The following OR1J2 variants were observed in gnomAD, a reference collection of about 807,000 sequenced individuals.
OR1J2 encodes olfactory receptor 1J2.
For missense variants in OR1J2, 304 were observed against 246.1 expected (o/e 1.24, Z -1.57); for synonymous variants, 142 against 99.7 (o/e 1.42, Z -2.52).
chr9:122,509,502 G>A (rs149966933), upstream of OR1J2, among the ~76,000 whole-genome samples: 7 of 152,316 alleles, frequency 4.6e-5, no homozygotes, highest in East Asian at 1.9e-4. Context: ...ACAATAAAGC[G>A]TAAATAAATT....
the OR1J2 span, among the ~76,000 whole-genome samples, chr9:122,461,796 C>A: frequency 6.6e-6 from 1 of 152,032 alleles, no homozygotes; most frequent in African/African-American, 2.4e-5. Flanking sequence ...GTTATAATTT[C>A]AGTTTTCTTA....
At chr9:122,553,851 CT>C in the OR1J2 span, 1 of 1,614,062 alleles carries the variant, frequency 6.2e-7, no homozygotes, top group East Asian at 2.2e-5. Context: ...CACTGTTCCC[CT>C]CCTGCTGATC....
the OR1J2 span, among the ~76,000 whole-genome samples, chr9:122,496,817 C>T: frequency 6.6e-6 from 1 of 152,162 alleles, no homozygotes; most frequent in African/African-American, 2.4e-5. Flanking sequence ...GCATTTATCT[C>T]AGTGAGCAGA....
chr9:122,548,356 A>T, the OR1J2 span, among the ~76,000 whole-genome samples: 1 of 152,156 alleles, frequency 6.6e-6, no homozygotes, highest in Non-Finnish European at 1.5e-5. Flanking sequence ...TCTGTCCTTG[A>T]TAATAAAAAT....
chr9:122,558,311 C>CTT, the OR1J2 span, among the ~76,000 whole-genome samples: 92 of 34,470 alleles, frequency 2.7e-3, 20 homozygotes, highest in African/African-American at 9.1e-3. Flanking sequence ...TTGGATTTTG[C>CTT]TTTTTTTTTT....
the OR1J2 span, among the ~76,000 whole-genome samples, chr9:122,518,059 A>G: frequency 1.3e-5 from 2 of 152,090 alleles, no homozygotes; most frequent in Non-Finnish European, 2.9e-5. Flanking sequence ...CTTTTTATGT[A>G]TGTTCATTGC....
At chr9:122,528,047 A>G in the OR1J2 span, among the ~76,000 whole-genome samples, 3 of 152,238 alleles carry the variant, frequency 2.0e-5, no homozygotes, top group African/African-American at 7.2e-5. Flanking sequence ...ACCCACAGCA[A>G]TGGTTTCCAG....
the OR1J2 span, among the ~76,000 whole-genome samples, chr9:122,474,888 C>A: frequency 1.3e-5 from 2 of 152,176 alleles, no homozygotes; most frequent in African/African-American, 4.8e-5. Context: ...GCCTCTGGAG[C>A]CAGTGGACTC....
At chr9:122,546,817 C>A in the OR1J2 span, among the ~76,000 whole-genome samples, 1 of 152,160 alleles carries the variant, frequency 6.6e-6, no homozygotes, top group African/African-American at 2.4e-5. Flanking sequence ...TTATTTTAAA[C>A]CTATTTTTTA....
chr9:122,552,036 T>TAC, the OR1J2 span, among the ~76,000 whole-genome samples: 27,638 of 123,850 alleles, frequency 0.22, 2,778 homozygotes, highest in East Asian at 0.33. Flanking sequence ...GTAGGACACA[T>TAC]ACACACACAC....
Position 122,511,558 on chromosome 9 carries a change from G to C in OR1J2, c.757G>C (p.Gly253Arg), listed in dbSNP as rs1420004188. The C allele has an allele frequency of 1.3e-6, 1 of 780,958 alleles. No homozygotes were observed. Among genetic ancestry groups the C allele is most frequent in the Admixed American group, 1.7e-5 (1 of 59,026 alleles). 48.4% of individuals were successfully genotyped at this position (780,958 alleles called of 1,614,324 possible). A position where few individuals can be genotyped will look rare whatever the true frequency, so the allele number is the denominator to read the frequency against. ...TCTCTCTGTGGTGTCTCTCTATTAT[G>C]GGTCAATATTTGGCCAGTACCTTTT... The part of the protein sequence containing the change: ...SHLSVVSLYY[G>R]SIFGQYLFPT... The change falls in exon 1 of 1, where the codon GGG becomes CGG. Residue 253 changes from glycine (G) to arginine (R), a missense_variant. Transcript: ENST00000335302.
At chr9:122,492,335 T>G in the OR1J2 span, among the ~76,000 whole-genome samples, 1 of 152,178 alleles carries the variant, frequency 6.6e-6, no homozygotes. Context: ...ATGATTTCAT[T>G]CTTTTTATGG....
the OR1J2 span, among the ~76,000 whole-genome samples, chr9:122,531,525 G>A: frequency 3.9e-5 from 6 of 152,166 alleles, no homozygotes; most frequent in South Asian, 2.1e-4. Context: ...AAAAAGGAGC[G>A]TCTATACAGG....
the OR1J2 span, among the ~76,000 whole-genome samples, chr9:122,542,706 T>C: frequency 6.6e-6 from 1 of 152,210 alleles, no homozygotes; most frequent in African/African-American, 2.4e-5. Flanking sequence ...AATGTACCTA[T>C]TTTAGGTGCA....
the OR1J2 span, among the ~76,000 whole-genome samples, chr9:122,460,821 G>A: frequency 1.3e-5 from 2 of 151,906 alleles, no homozygotes; most frequent in African/African-American, 2.4e-5. Flanking sequence ...GGTCTTTCAC[G>A]TCCTTGCTTA....
chr9:122,543,285 C>G, the OR1J2 span, among the ~76,000 whole-genome samples: 1 of 144,354 alleles, frequency 6.9e-6, no homozygotes, highest in East Asian at 2.0e-4. Flanking sequence ...TTACTGCAGC[C>G]TCGACCTTCT....
chr9:122,547,497 C>A, the OR1J2 span, among the ~76,000 whole-genome samples: 2 of 152,074 alleles, frequency 1.3e-5, no homozygotes, highest in Non-Finnish European at 2.9e-5. Context: ...GTACATTGTA[C>A]TCATTAAGCA....
the OR1J2 span, among the ~76,000 whole-genome samples, chr9:122,545,694 T>C: frequency 3.3e-5 from 5 of 152,160 alleles, no homozygotes; most frequent in African/African-American, 1.2e-4. Context: ...AAAATCACTC[T>C]GAAAAACTAA....
the OR1J2 span, among the ~76,000 whole-genome samples, chr9:122,451,278 C>T: frequency 1.3e-5 from 2 of 151,728 alleles, no homozygotes; most frequent in Middle Eastern, 3.4e-3. Flanking sequence ...CTACACCACC[C>T]GGGTTCAAGT....
Sources: allele counts gnomAD v4.1 joint callset (sites outside exome capture counted in the v4.1 genomes callset), GRCh38; gene constraint gnomAD v4.1.1; transcripts MANE v1.5; gene names NCBI Gene and HGNC (gene_info 2026-07-23, HGNC 2026-07-21).